Variants in DNA2 observed in about 807,000 individuals in gnomAD.
DNA2 encodes the protein DNA replication ATP-dependent helicase/nuclease DNA2.
In DNA2, 101 loss-of-function variants were observed where a neutral mutation model predicts 119.1. That is an observed-to-expected ratio of 0.85 (90% confidence interval 0.72 to 1.00). DNA2 has a LOEUF of 1.00. DNA2 is among the 50% of genes least tolerant of loss of function. The pLI is 0.00. For missense variants in DNA2, 1,121 were observed against 1,255.5 expected, an observed-to-expected ratio of 0.89 and a Z score of 1.62; for synonymous variants, 366 against 424.4, an observed-to-expected ratio of 0.86 and a Z score of 1.69.
chr10:68,437,124 A>C lies in DNA2; in HGVS notation c.1533T>G (p.Asn511Lys). 6.2e-7 allele frequency: 1 copy of C among 1,613,890 alleles called. No homozygotes were observed. The highest frequency in any genetic ancestry group is 8.5e-7 in the Non-Finnish European group (1 of 1,179,832). Residue 511 changes from asparagine (N) to lysine (K), a missense_variant, in exon 10 of 21, where the codon AAT becomes AAG. Asn to Lys is a moderately conservative substitution (Grantham distance 94). Coordinates refer to ENST00000358410, the MANE Select transcript of DNA2 (RefSeq NM_001080449.3). ...CAATAACTCTGTCACCTGCCATTAG[A>C]TTTGTGACAGGTATGGCACCATGTT... is the stretch of plus-strand genomic sequence containing the variant. ...QCKHGAIPVT[N>K]LMAGDRVIVS... is the part of the protein sequence containing the mutation.
chr10:68,414,984 G>T lies in DNA2; in HGVS notation c.*55C>A. 2 of 1,087,354 alleles carry T rather than the reference G, an allele frequency of 1.8e-6. No individual in the cohort carries two copies. Among genetic ancestry groups the T allele is most frequent in the African/African-American group, 1.6e-5 (1 of 63,440 alleles). The allele number at this position is 1,087,354 out of a possible 1,614,324, so 67.4% of individuals were successfully genotyped here. ...GTATGGTGATAGAATTTTCTGTATGGGCACTAGCTAGAGGAGATACTGCCC... is the reference window on the plus strand; with the variant it reads ...GTATGGTGATAGAATTTTCTGTATGTGCACTAGCTAGAGGAGATACTGCCC... On this transcript the variant is annotated 3_prime_UTR_variant, in exon 21 of 21. Coordinates refer to ENST00000358410, the MANE Select transcript of DNA2 (RefSeq NM_001080449.3).
Position 68,433,208 on chromosome 10 carries a change from C to A in DNA2, c.1647-698G>T, listed in dbSNP as rs1160669136. Among the ~76,000 whole-genome samples, 3 of 152,176 alleles carry A rather than the reference C, an allele frequency of 2.0e-5. 1 individual carries two copies. The highest frequency in any genetic ancestry group is 2.0e-4 in the Admixed American group (3 of 15,274). On this transcript the variant is annotated intron_variant, in intron 10 of 20. Coordinates refer to ENST00000358410, the MANE Select transcript of DNA2 (RefSeq NM_001080449.3). ...TCACAGTTAATGGCATTGGCATTTG[C>A]ATTTGCACTGCCATCTTGATCCTTC...
chr10:68,454,094 A>G (rs1400725042), intron 5 of DNA2, among the ~76,000 whole-genome samples: 5 of 152,116 alleles, frequency 3.3e-5, no homozygotes, highest in African/African-American at 9.6e-5. Flanking sequence ...ATCTCCTTCT[A>G]TGCCTTATAT....
chr10:68,414,788 T>TA lies in DNA2; in HGVS notation c.*250dup, dbSNP rs540297148. 9.8e-4 allele frequency: 368 copies of TA among 374,402 alleles called. No homozygotes were observed. Among genetic ancestry groups the TA allele is most frequent in the Non-Finnish European group, 1.4e-3 (274 of 202,556 alleles). The allele number at this position is 374,402 out of a possible 1,614,324, so 23.2% of individuals were successfully genotyped here. On this transcript the variant is annotated 3_prime_UTR_variant, in exon 21 of 21. Transcript: ENST00000358410. ...CAAATTAGTCCTGAAATGTCTGACT[T>TA]AAAAGTTTAAAGCTCAAAGTCAAAA... is the stretch of plus-strand genomic sequence containing the variant.
At chr10:68,435,786 G>A (rs1034313768) in intron 10 of DNA2, among the ~76,000 whole-genome samples, 1 of 152,072 alleles carries the variant, frequency 6.6e-6, no homozygotes, top group Non-Finnish European at 1.5e-5. Flanking sequence ...CCATTTTGTT[G>A]TAACTGAAAT....
At chr10:68,446,804 G>A (rs781505048) in intron 6 of DNA2, among the ~76,000 whole-genome samples, 17 of 152,144 alleles carry the variant, frequency 1.1e-4, no homozygotes, top group South Asian at 2.1e-4. Flanking sequence ...TTGAATTCAT[G>A]GAGACAGATA....
intron 5 of DNA2, among the ~76,000 whole-genome samples, chr10:68,452,678 C>T (rs2052134661): frequency 6.6e-6 from 1 of 151,416 alleles, no homozygotes; most frequent in Admixed American, 6.6e-5. Flanking sequence ...CTCAAGAGAT[C>T]CTCCCGCCTC....
At chr10:68,426,817 C>A (rs968038443) in intron 14 of DNA2, among the ~76,000 whole-genome samples, 1 of 151,344 alleles carries the variant, frequency 6.6e-6, no homozygotes, top group South Asian at 2.1e-4. Context: ...CCAGCCTGGG[C>A]GACAGAGCAA....
intron 10 of DNA2, among the ~76,000 whole-genome samples, chr10:68,434,384 A>C (rs1217564822): frequency 6.6e-6 from 1 of 152,144 alleles, no homozygotes; most frequent in East Asian, 1.9e-4. Context: ...GTAGTAGCTC[A>C]TGCCTATAAT....
chr10:68,439,913 G>A (rs1161345569), intron 9 of DNA2, among the ~76,000 whole-genome samples: 1 of 152,108 alleles, frequency 6.6e-6, no homozygotes, highest in Non-Finnish European at 1.5e-5. Flanking sequence ...GCTGAGGCAG[G>A]AGAATCGCTT....
At chr10:68,433,898 CAGTAT>C (rs759394439) in intron 10 of DNA2, among the ~76,000 whole-genome samples, 1 of 152,156 alleles carries the variant, frequency 6.6e-6, no homozygotes, top group African/African-American at 2.4e-5. Flanking sequence ...CAGGTTTGCC[CAGTAT>C]AGTATTCTCT....
intron 14 of DNA2, among the ~76,000 whole-genome samples, chr10:68,423,386 C>T (rs2051692644): frequency 6.6e-6 from 1 of 152,094 alleles, no homozygotes; most frequent in African/African-American, 2.4e-5. Flanking sequence ...ATTCCCTGGG[C>T]TTTCTTTTTG....
At chr10:68,464,499 A>G (rs1258057673) in intron 4 of DNA2, among the ~76,000 whole-genome samples, 4 of 151,590 alleles carry the variant, frequency 2.6e-5, no homozygotes, top group Non-Finnish European at 4.4e-5. Flanking sequence ...TGGGTGACAG[A>G]GCAAGACTCC....
intron 14 of DNA2, 112 bp from the exon 15 acceptor site, chr10:68,423,002 A>C: frequency 1.5e-6 from 1 of 678,122 alleles, no homozygotes; most frequent in South Asian, 2.6e-5. Flanking sequence ...GGCATCAGGA[A>C]TCCTTCGATA....
Position 68,432,190 on chromosome 10 carries a change from G to T in DNA2, c.1873+16C>A. 1 of 1,482,634 alleles carries T rather than the reference G, an allele frequency of 6.7e-7. No homozygotes were observed. Among genetic ancestry groups the T allele is most frequent in the Non-Finnish European group, 9.2e-7 (1 of 1,083,670 alleles). 91.8% of individuals were successfully genotyped at this position (1,482,634 alleles called of 1,614,324 possible). On this transcript the variant is annotated intron_variant, in intron 12 of 20. Transcript: ENST00000358410. ...AAGAAAAATTAATCAAAGCAGACAT[G>T]GTGATTTTAGCATACCCTTTAGAAT...
intron 9 of DNA2, among the ~76,000 whole-genome samples, chr10:68,437,931 C>T (rs550813867): frequency 1.3e-5 from 2 of 152,104 alleles, no homozygotes; most frequent in East Asian, 2.0e-4. Flanking sequence ...AGGCTGGATT[C>T]GGACCCCTGG....
intron 9 of DNA2, among the ~76,000 whole-genome samples, chr10:68,442,026 A>C (rs1327723719): frequency 2.6e-5 from 4 of 151,034 alleles, no homozygotes; most frequent in Non-Finnish European, 4.4e-5. Context: ...CTCTGGCTCA[A>C]GCCATCCTCC....
In DNA2 at chr10:68,442,793, T is replaced by C. The variant is rs1341062641; in HGVS notation, c.1415+124A>G. The C allele has an allele frequency of 1.5e-5, 12 of 796,970 alleles. No individual in the cohort carries two copies. In the East Asian group the frequency reaches 3.0e-4, roughly 20 times the overall value. 49.4% of individuals were successfully genotyped at this position (796,970 alleles called of 1,614,324 possible). ...AATAGAGAGCCATCTGCAGTTGTCA[T>C]GAATAAATGAAATCACGTTATCTAT... On this transcript the variant is annotated intron_variant, in intron 9 of 20. Coordinates refer to ENST00000358410, the MANE Select transcript of DNA2 (RefSeq NM_001080449.3).
At position 68,446,320 on chromosome 10, in the gene DNA2, G is replaced by A; in HGVS notation, c.1033C>T (p.Pro345Ser). The change falls in exon 7 of 21, where the codon CCT becomes TCT. Residue 345 changes from proline (P) to serine (S), a missense_variant. Pro to Ser is a moderately conservative substitution (Grantham distance 74). Transcript: ENST00000358410. ...YLKTGQMYPV[P>S]ANHLDKRELL... The stretch of plus-strand genomic sequence containing the variant: ...CCTCTTTTATCTAGATGGTTGGCAG[G>A]CACAGGGTACATCTGACCAGTCTTG... 1.3e-6 allele frequency: 2 copies of A among 1,591,236 alleles called. No individual in the cohort carries two copies. Among genetic ancestry groups the A allele is most frequent in the South Asian group, 1.2e-5 (1 of 86,908 alleles).
Sources: allele counts gnomAD v4.1 joint callset (sites outside exome capture counted in the v4.1 genomes callset), GRCh38; gene constraint gnomAD v4.1.1; transcripts MANE v1.5; gene names NCBI Gene and HGNC (gene_info 2026-07-23, HGNC 2026-07-21).